Variants in CCDC50 observed in about 807,000 individuals in gnomAD.
CCDC50 encodes the protein coiled-coil domain-containing protein 50.
In CCDC50, 54 loss-of-function variants were observed where a neutral mutation model predicts 70.2. That is an observed-to-expected ratio of 0.77 (90% confidence interval 0.62 to 0.96). CCDC50 has a LOEUF of 0.96. Among genes scored for constraint, CCDC50 ranks in the 50% least tolerant of loss-of-function variants. CCDC50 has a pLI of 0.00. For missense variants in CCDC50, 558 were observed against 578.7 expected, an observed-to-expected ratio of 0.96 and a Z score of 0.37; for synonymous variants, 216 against 198.8, an observed-to-expected ratio of 1.09 and a Z score of -0.73.
chr3:191,329,483 C>A lies in CCDC50; in HGVS notation c.-192C>A. Reference sequence around the variant, plus strand: ...GGGCAGCTGGGCCGCCAGCTTGGTGCCTCGGGGACCGTCTCCCGCTGCTTT... The same window carrying A: ...GGGCAGCTGGGCCGCCAGCTTGGTGACTCGGGGACCGTCTCCCGCTGCTTT... On this transcript the variant is annotated 5_prime_UTR_variant, in exon 1 of 12. Transcript: ENST00000392455. 2.0e-6 allele frequency: 1 copy of A among 494,672 alleles called. No homozygotes were observed. Among genetic ancestry groups the A allele is most frequent in the Non-Finnish European group, 3.5e-6 (1 of 284,580 alleles). The allele number at this position is 494,672 out of a possible 1,614,324, so 30.6% of individuals were successfully genotyped here.
chr3:191,374,772 G>A (rs1361820176), intron 5 of CCDC50, among the ~76,000 whole-genome samples: 1 of 151,988 alleles, frequency 6.6e-6, no homozygotes, highest in Non-Finnish European at 1.5e-5. Flanking sequence ...TTTGTTATTG[G>A]CAAATATTAA....
Position 191,329,451 on chromosome 3 carries a change from C to T in CCDC50, c.-224C>T, listed in dbSNP as rs1317387141. On this transcript the variant is annotated 5_prime_UTR_variant, in exon 1 of 12. Transcript: ENST00000392455. ...GGGCCGGGGACGCGGAGCAGGTGGC[C>T]GCGGCGGGGCAGCTGGGCCGCCAGC... 1.7e-5 allele frequency: 8 copies of T among 463,974 alleles called. No individual in the cohort carries two copies. The highest frequency in any genetic ancestry group is 8.2e-5 in the South Asian group (2 of 24,520). The allele number at this position is 463,974 out of a possible 1,614,324, so 28.7% of individuals were successfully genotyped here.
In CCDC50 at chr3:191,394,012, TCATC is replaced by T. The variant is rs1713780411; in HGVS notation, c.*2255_*2258del. The T allele has an allele frequency of 1.3e-5, 2 of 152,146 alleles. No homozygotes were observed. The highest frequency in any genetic ancestry group is 4.8e-5 in the African/African-American group (2 of 41,450). The allele number at this position is 152,146 out of a possible 1,614,324, so 9.4% of individuals were successfully genotyped here. A position where few individuals can be genotyped will look rare whatever the true frequency, so the allele number is the denominator to read the frequency against. On this transcript the variant is annotated 3_prime_UTR_variant, in exon 12 of 12. Transcript: ENST00000392455. ...GCATTTCTCTTGCCTCTCATGTACT[TCATC>T]CAGTTATTTATTATTGTAAAATGTT...
intron 1 of CCDC50, among the ~76,000 whole-genome samples, chr3:191,349,180 A>C (rs1244327505): frequency 7.1e-6 from 1 of 141,272 alleles, no homozygotes; most frequent in Admixed American, 7.3e-5. Context: ...GCTGGGGTTG[A>C]GAATGTAGAG....
chr3:191,373,386 A>T (rs1712981056), intron 5 of CCDC50, among the ~76,000 whole-genome samples: 1 of 152,198 alleles, frequency 6.6e-6, no homozygotes, highest in African/African-American at 2.4e-5. Context: ...TAAAAGTAAA[A>T]CTATGAATAT....
At chr3:191,391,525 G>T (rs1354537703) in intron 11 of CCDC50, among the ~76,000 whole-genome samples, 2 of 152,124 alleles carry the variant, frequency 1.3e-5, no homozygotes, top group East Asian at 3.9e-4. Flanking sequence ...CAAACTACAT[G>T]TATCACCTTT....
Position 191,382,777 on chromosome 3 carries a change from C to G in CCDC50, c.1274C>G (p.Ser425Ter). The G allele has an allele frequency of 6.2e-7, 1 of 1,612,930 alleles. No individual in the cohort carries two copies. Among genetic ancestry groups the G allele is most frequent in the South Asian group, 1.1e-5 (1 of 91,036 alleles). The change falls in exon 10 of 12, where the codon TCA (serine) becomes TGA (stop). Residue 425 changes from serine (S) to a stop codon, truncating the protein, a stop_gained. Transcript: ENST00000392455. LOFTEE classifies it high-confidence loss of function. ...PKTAKAANSKSKESDEPHHSK... is the reference protein window; with the variant it reads ...PKTAKAANSK Reference sequence around the variant, plus strand: ...ACAGCTAAAGCAGCAAATTCCAAGTCAAAAGAGAGTGATGAACCTCACCAT... The same window carrying G: ...ACAGCTAAAGCAGCAAATTCCAAGTGAAAAGAGAGTGATGAACCTCACCAT...
At position 191,347,171 on chromosome 3, in the gene CCDC50, G is replaced by A. The variant is rs528869571; in HGVS notation, c.50-9917G>A. 2.8e-4 allele frequency among the ~76,000 whole-genome samples: 40 copies of A among 142,024 alleles called. 11 individuals are homozygous for A. The highest frequency in any genetic ancestry group is 6.0e-4 in the Non-Finnish European group (38 of 63,020). 93.2% of individuals were successfully genotyped at this position (142,024 alleles called of 152,430 possible). The stretch of plus-strand genomic sequence containing the variant: ...ATGTTTATTGCAGGATAATTAACCC[G>A]GAAAATGTCTTTCTGTTACTAGAAT... On this transcript the variant is annotated intron_variant, in intron 1 of 11. Coordinates refer to ENST00000392455, the MANE Select transcript of CCDC50 (RefSeq NM_178335.3).
chr3:191,380,208 G>GGCC lies in CCDC50; in HGVS notation c.1027_1029dup (p.Ala343dup). On this transcript the variant is annotated inframe_insertion, in exon 7 of 12. Transcript: ENST00000392455. ...AAGCTGTATCTACTCCATCACGAAT[G>GGCC]GCCCACAGGGATCAGGAATGGTATG... is the stretch of plus-strand genomic sequence containing the variant. 6.2e-7 allele frequency: 1 copy of GGCC among 1,611,614 alleles called. No individual in the cohort carries two copies. Among genetic ancestry groups the GGCC allele is most frequent in the Non-Finnish European group, 8.5e-7 (1 of 1,178,878 alleles).
intron 1 of CCDC50, among the ~76,000 whole-genome samples, chr3:191,354,983 C>G (rs531896808): frequency 1.3e-5 from 2 of 151,614 alleles, no homozygotes; most frequent in East Asian, 3.9e-4. Context: ...TTTTTTTTTC[C>G]TGAATATTTT....
At chr3:191,330,110 G>C (rs1167989522) in intron 1 of CCDC50, among the ~76,000 whole-genome samples, 1 of 151,952 alleles carries the variant, frequency 6.6e-6, no homozygotes. Context: ...AGTGGAGAGG[G>C]GTTGACATTC....
In CCDC50 at chr3:191,375,357, C is replaced by T. The variant is rs766958383; in HGVS notation, c.744C>T (p.Ser248=). Reference sequence around the variant, plus strand: ...CGATCAGTGGTGAAGTGTTTCTGAGCACTGAATGTGATGACTGGGAGACTA... The same window carrying T: ...CGATCAGTGGTGAAGTGTTTCTGAGTACTGAATGTGATGACTGGGAGACTA... ...LPTISGEVFL[S]TECDDWETKI... Residue 248 remains serine, a synonymous_variant, in exon 6 of 12, where the codon AGC becomes AGT. Transcript: ENST00000392455. 5 of 1,613,680 alleles carry T rather than the reference C, an allele frequency of 3.1e-6. No homozygotes were observed. The highest frequency in any genetic ancestry group is 1.3e-5 in the African/African-American group (1 of 75,010).
intron 1 of CCDC50, among the ~76,000 whole-genome samples, chr3:191,334,594 A>G (rs1312001833): frequency 6.6e-6 from 1 of 152,154 alleles, no homozygotes; most frequent in Non-Finnish European, 1.5e-5. Context: ...AGGAATTGGC[A>G]CATTGGGGCC....
chr3:191,370,388 C>A, intron 5 of CCDC50: 1 of 283,274 alleles, frequency 3.5e-6, no homozygotes, highest in South Asian at 3.3e-5. Flanking sequence ...CAACAGGCCC[C>A]GGTGTGTGAT....
At chr3:191,358,525 A>G (rs1308874957) in intron 3 of CCDC50, among the ~76,000 whole-genome samples, 2 of 152,152 alleles carry the variant, frequency 1.3e-5, no homozygotes, top group African/African-American at 4.8e-5. Flanking sequence ...TTCCTTTACT[A>G]TGTTCTAGCT....
chr3:191,342,725 T>C (rs946642686), intron 1 of CCDC50, among the ~76,000 whole-genome samples: 1 of 152,174 alleles, frequency 6.6e-6, no homozygotes, highest in Non-Finnish European at 1.5e-5. Context: ...GCCATTCAAG[T>C]AGTGAAACAA....
At chr3:191,341,873 G>A (rs1711743895) in intron 1 of CCDC50, among the ~76,000 whole-genome samples, 1 of 152,180 alleles carries the variant, frequency 6.6e-6, no homozygotes, top group Admixed American at 6.5e-5. Context: ...CAAGTCTGCT[G>A]TGCGGTCACC....
intron 4 of CCDC50, 26 bp downstream of exon 4, chr3:191,361,185 C>G: frequency 6.5e-7 from 1 of 1,533,640 alleles, no homozygotes; most frequent in Non-Finnish European, 9.0e-7. Context: ...TGCCCCTCTC[C>G]CTCATGGAGA....
Position 191,395,487 on chromosome 3 carries a change from A to G in CCDC50, c.*3727A>G, listed in dbSNP as rs911895780. On this transcript the variant is annotated 3_prime_UTR_variant, in exon 12 of 12. Transcript: ENST00000392455. ...TTGTATAAGCATCGCTTTGGGGAAT[A>G]CCAAGATGATTCATTATTCAGTGAT... is the stretch of plus-strand genomic sequence containing the variant. 23 of 152,168 alleles carry G rather than the reference A, an allele frequency of 1.5e-4. No individual in the cohort carries two copies. The highest frequency in any genetic ancestry group is 4.8e-4 in the African/African-American group (20 of 41,448). 9.4% of individuals were successfully genotyped at this position (152,168 alleles called of 1,614,324 possible).
Sources: gnomAD v4.1 joint callset for allele counts (sites outside exome capture counted in the v4.1 genomes callset) on GRCh38, gnomAD v4.1.1 for gene constraint, MANE v1.5 for transcripts, NCBI Gene and HGNC (gene_info 2026-07-23, HGNC 2026-07-21) for gene names.